CNTNAP5: variants seen among roughly 807,000 people sequenced by gnomAD.
The protein encoded by CNTNAP5 is contactin-associated protein-like 5.
Under a neutral mutation model 150.2 loss-of-function variants are expected in CNTNAP5, and 72 were observed. The ratio of observed to expected loss-of-function variants is 0.48; its 90% CI spans 0.40 to 0.58. The LOEUF (loss-of-function observed/expected upper bound fraction) is 0.58. Among genes scored for constraint, CNTNAP5 ranks in the 20% least tolerant of loss-of-function variants. The probability of loss-of-function intolerance (pLI) is 0.00; values close to 1 mark genes in which losing one functional copy is unlikely to be tolerated. For missense variants in CNTNAP5, 1,636 were observed against 1,626.2 expected (o/e 1.01, Z -0.10); for synonymous variants, 672 against 619.8 (o/e 1.08, Z -1.25).
In CNTNAP5 at chr2:124,240,813, T is replaced by C. The variant is rs563015356; in HGVS notation, c.188-1387T>C. 2.6e-5 allele frequency among the ~76,000 whole-genome samples: 4 copies of C among 152,296 alleles called. No individual in the cohort carries two copies. In the East Asian group the frequency reaches 7.7e-4, roughly 30 times the overall value. ...ACAGAATAGGATTGGCTTTATGCCC[T>C]CTATCACTCTGTCTGCATTGCAGTC... is the stretch of plus-strand genomic sequence containing the variant. On this transcript the variant is annotated intron_variant, in intron 2 of 23. Transcript: ENST00000682447.
intron 1 of CNTNAP5, among the ~76,000 whole-genome samples, chr2:124,116,516 G>A (rs570803452): frequency 3.3e-5 from 5 of 152,258 alleles, no homozygotes; most frequent in East Asian, 1.9e-4. Context: ...GGTGAGCTTC[G>A]TTGTTTCCTT....
chr2:124,793,532 A>T (rs1334772059), intron 18 of CNTNAP5, among the ~76,000 whole-genome samples: 1 of 152,132 alleles, frequency 6.6e-6, no homozygotes, highest in Non-Finnish European at 1.5e-5. Context: ...TTAAATTCTG[A>T]TCAAGTTCAT....
chr2:124,810,488 A>G (rs939829213), intron 19 of CNTNAP5, among the ~76,000 whole-genome samples: 1 of 152,216 alleles, frequency 6.6e-6, no homozygotes, highest in East Asian at 1.9e-4. Context: ...CAGTTAAAAC[A>G]GAAATTAAAG....
At chr2:124,685,766 G>A (rs998313363) in intron 13 of CNTNAP5, among the ~76,000 whole-genome samples, 10 of 134,784 alleles carry the variant, frequency 7.4e-5, no homozygotes, top group Admixed American at 1.4e-4. Context: ...GTGTGTGCGC[G>A]CGCGTGTTAT....
intron 4 of CNTNAP5, among the ~76,000 whole-genome samples, chr2:124,419,702 T>A (rs1375705200): frequency 6.6e-6 from 1 of 152,166 alleles, no homozygotes; most frequent in Non-Finnish European, 1.5e-5. Context: ...AATGTCTTTA[T>A]GATGTGCCTC....
chr2:124,694,131 C>T (rs1047428515), intron 13 of CNTNAP5, among the ~76,000 whole-genome samples: 2 of 152,178 alleles, frequency 1.3e-5, no homozygotes, highest in African/African-American at 2.4e-5. Flanking sequence ...AACTCCTGAG[C>T]TTCCCCCTCT....
At chr2:124,171,946 C>T (rs1684944103) in intron 1 of CNTNAP5, among the ~76,000 whole-genome samples, 1 of 152,196 alleles carries the variant, frequency 6.6e-6, no homozygotes, top group East Asian at 1.9e-4. Flanking sequence ...ATAGGACCTA[C>T]TCATGAATGA....
intron 6 of CNTNAP5, among the ~76,000 whole-genome samples, chr2:124,472,859 T>C (rs79462628): frequency 0.13 from 19,350 of 151,892 alleles, 1,628 homozygotes; most frequent in Non-Finnish European, 0.19. Flanking sequence ...AAAATAGTGC[T>C]GAGAGACCTA....
Position 124,504,478 on chromosome 2 carries a change from C to A in CNTNAP5, c.1249C>A (p.Leu417Met). The A allele has an allele frequency of 1.2e-6, 2 of 1,613,778 alleles. No individual in the cohort carries two copies. The highest frequency in any genetic ancestry group is 1.7e-6 in the Non-Finnish European group (2 of 1,179,806). Residue 417 changes from leucine to methionine, a missense_variant, in exon 8 of 24, where the codon CTG becomes ATG. Coordinates refer to ENST00000682447, the MANE Select transcript of CNTNAP5 (RefSeq NM_001367498.1). ...AGAGCTGTCTGAGGGCTCGGGAACC[C>A]TGCTGCTGAGCCTGGAGGGTGGAAT... ...STELSEGSGT[L>M]LLSLEGGILR...
Position 124,918,561 on chromosome 2 carries a change from G to C in CNTNAP5, c.*4273G>C, listed in dbSNP as rs72965816. On this transcript the variant is annotated 3_prime_UTR_variant, in exon 24 of 24. Coordinates refer to ENST00000682447, the MANE Select transcript of CNTNAP5 (RefSeq NM_001367498.1). ...CCAAGATATCCAGGGAGATGAGGAT[G>C]AGACCTGTTGAATTTTTTCTTAGGA... 0.031 allele frequency among the ~76,000 whole-genome samples: 4,745 copies of C among 152,134 alleles called. 272 individuals are homozygous for C. Among genetic ancestry groups the C allele is most frequent in the African/African-American group, 0.11 (4,449 of 41,510 alleles).
At position 124,524,389 on chromosome 2, in the gene CNTNAP5, G is replaced by A. The variant is rs2104886935; in HGVS notation, c.1414G>A (p.Ala472Thr). ...RITLTLDDEA[A>T]PPAPDSTWVQ... ...CACGCTCACTCTGGATGATGAAGCA[G>A]CACCCCCGGCTCCAGACAGCACTTG... Residue 472 changes from alanine (A) to threonine (T), a missense_variant, in exon 9 of 24, where the codon GCA (alanine) becomes ACA (threonine). Coordinates refer to ENST00000682447, the MANE Select transcript of CNTNAP5 (RefSeq NM_001367498.1). 4 of 1,613,812 alleles carry A rather than the reference G, an allele frequency of 2.5e-6. No homozygotes were observed. The highest frequency in any genetic ancestry group is 1.7e-4 in the Middle Eastern group (1 of 6,054).
intron 11 of CNTNAP5, among the ~76,000 whole-genome samples, chr2:124,571,812 C>T (rs369578628): frequency 5.9e-5 from 9 of 151,384 alleles, no homozygotes; most frequent in Non-Finnish European, 1.0e-4. Flanking sequence ...GATTACAGGC[C>T]GAATACTCTT....
At chr2:124,621,276 C>A (rs745382766) in intron 12 of CNTNAP5, among the ~76,000 whole-genome samples, 2 of 152,170 alleles carry the variant, frequency 1.3e-5, no homozygotes, top group Admixed American at 1.3e-4. Flanking sequence ...TATTTCTTAT[C>A]TTGATGGATT....
chr2:124,903,745 T>C lies in CNTNAP5; in HGVS notation c.3655+645T>C, dbSNP rs190717665. Among the ~76,000 whole-genome samples the C allele has an allele frequency of 3.3e-5, 5 of 152,246 alleles. No individual in the cohort carries two copies. In the East Asian group the frequency reaches 7.7e-4, roughly 24 times the overall value. On this transcript the variant is annotated intron_variant, in intron 22 of 23. Transcript: ENST00000682447. Reference sequence around the variant, plus strand: ...ACAGTATGAATAACTGTAATCATCATGCTGTACATTAGTTCACCAAAATTT... The same window carrying C: ...ACAGTATGAATAACTGTAATCATCACGCTGTACATTAGTTCACCAAAATTT...
rs74602273 is a variant in CNTNAP5, at chr2:124,537,956, G to A, written c.1649+10500G>A. Among the ~76,000 whole-genome samples the A allele has an allele frequency of 3.3e-3, 503 of 152,246 alleles. 3 individuals are homozygous for A. The highest frequency in any genetic ancestry group is 0.011 in the African/African-American group (472 of 41,540). On this transcript the variant is annotated intron_variant, in intron 10 of 23. Coordinates refer to ENST00000682447, the MANE Select transcript of CNTNAP5 (RefSeq NM_001367498.1). ...GGCACTTCATTTTGGCCCACCAGAC[G>A]GTGGTGAGAATCCTTCCCCACCAAC... is the stretch of plus-strand genomic sequence containing the variant.
chr2:124,371,497 G>A (rs1385868569), intron 3 of CNTNAP5, among the ~76,000 whole-genome samples: 4 of 152,086 alleles, frequency 2.6e-5, no homozygotes, highest in African/African-American at 7.2e-5. Flanking sequence ...GGAAAATGAG[G>A]AGTTAAATAT....
intron 13 of CNTNAP5, among the ~76,000 whole-genome samples, chr2:124,656,022 G>GGAAA (rs1335652993): frequency 7.0e-6 from 1 of 142,288 alleles, no homozygotes; most frequent in South Asian, 2.3e-4. Context: ...AAGGAAGGAA[G>GGAAA]GGAGGGCACA....
At chr2:124,142,825 C>G (rs200763943) in intron 1 of CNTNAP5, among the ~76,000 whole-genome samples, 1 of 150,746 alleles carries the variant, frequency 6.6e-6, no homozygotes, top group Non-Finnish European at 1.5e-5. Flanking sequence ...CACAAAAAAC[C>G]CTTCAAAAAA....
At chr2:124,827,137 T>C (rs1682612597) in intron 19 of CNTNAP5, among the ~76,000 whole-genome samples, 1 of 152,150 alleles carries the variant, frequency 6.6e-6, no homozygotes, top group South Asian at 2.1e-4. Flanking sequence ...TTGCTCAGGC[T>C]GGTCTCAAAC....
Sources: gnomAD v4.1 joint callset for allele counts (sites outside exome capture counted in the v4.1 genomes callset) on GRCh38, gnomAD v4.1.1 for gene constraint, MANE v1.5 for transcripts, NCBI Gene and HGNC (gene_info 2026-07-23, HGNC 2026-07-21) for gene names.